UBE2D3: variants seen among roughly 807,000 people sequenced by gnomAD.
UBE2D3 encodes ubiquitin conjugating enzyme E2 D3, also known as ubiquitin-conjugating enzyme E2 D3.
In UBE2D3, 2 loss-of-function variants were observed where a neutral mutation model predicts 22.8. That is an observed-to-expected ratio of 0.09 (90% CI 0.04 to 0.28). The LOEUF is 0.28. Among genes scored for constraint, UBE2D3 ranks in the 10% least tolerant of loss-of-function variants. The pLI, the probability that UBE2D3 is intolerant of heterozygous loss-of-function variation, is 1.00. For synonymous variants in UBE2D3, 56 were observed against 60.4 expected, an observed-to-expected ratio of 0.93 and a Z score of 0.34; for missense variants, 27 against 182.5, an observed-to-expected ratio of 0.15 and a Z score of 4.91.
At chr4:102,862,689 A>G (rs920701878) in intron 1 of UBE2D3, among the ~76,000 whole-genome samples, 1 of 152,242 alleles carries the variant, frequency 6.6e-6, no homozygotes, top group Non-Finnish European at 1.5e-5. Context: ...GGATTGGTAT[A>G]GAATTCTAAA....
chr4:102,813,191 T>C (rs910589531), intron 2 of UBE2D3, among the ~76,000 whole-genome samples: 1 of 151,892 alleles, frequency 6.6e-6, no homozygotes, highest in Non-Finnish European at 1.5e-5. Flanking sequence ...AAAAAAGTGA[T>C]GGGAATCTCA....
At chr4:102,861,689 A>C (rs1732905322) in intron 1 of UBE2D3, among the ~76,000 whole-genome samples, 1 of 152,012 alleles carries the variant, frequency 6.6e-6, no homozygotes, top group African/African-American at 2.4e-5. Flanking sequence ...AAGGCAAAAA[A>C]GATGGCTTCC....
In UBE2D3 at chr4:102,843,655, G is replaced by A. The variant is rs145265112; in HGVS notation, c.-128-17019C>T. On this transcript the variant is annotated intron_variant, in intron 1 of 7. Coordinates refer to the UBE2D3 transcript ENST00000338145. ...ATATCCTAACATATTTCTGGCCATT[G>A]GACCCCTAGAAACCTGTGGCAAGTC... The A allele has an allele frequency of 2.9e-3, 369 of 129,012 alleles. 2 individuals carry two copies. Among genetic ancestry groups the A allele is most frequent in the African/African-American group, 0.011 (355 of 31,186 alleles). The allele number at this position is 129,012 out of a possible 1,614,324, so 8.0% of individuals were successfully genotyped here.
intron 2 of UBE2D3, among the ~76,000 whole-genome samples, chr4:102,820,582 C>T (rs1271642911): frequency 6.6e-6 from 1 of 152,036 alleles, no homozygotes; most frequent in East Asian, 1.9e-4. Flanking sequence ...AATTTTCTTT[C>T]GATCACCACT....
rs148199527 is a variant in UBE2D3, at chr4:102,826,129, G to A, written c.24+356C>T. Among the ~76,000 whole-genome samples the A allele has an allele frequency of 8.2e-3, 1,254 of 152,140 alleles. 9 individuals are homozygous for A. The highest frequency in any genetic ancestry group is 0.014 in the Non-Finnish European group (967 of 68,016). The stretch of plus-strand genomic sequence containing the variant: ...AGTTTTCAAGCACCAAGAATAGGAA[G>A]CGCCATGACATCTGCTGGAGCGTCT... On this transcript the variant is annotated intron_variant, in intron 2 of 7. Coordinates refer to ENST00000453744, the MANE Select transcript of UBE2D3 (RefSeq NM_181891.3).
chr4:102,855,675 G>A (rs1379441156), intron 1 of UBE2D3, among the ~76,000 whole-genome samples: 2 of 152,078 alleles, frequency 1.3e-5, no homozygotes, highest in African/African-American at 4.8e-5. Context: ...ATCCTGCCTT[G>A]GCCTCCTGAA....
Position 102,799,341 on chromosome 4 carries a change from CAAGCAAAGTAT to C in UBE2D3, c.398+55_398+65del. ...ATATCAAGTCTTCTTGGCACTGTCA[CAAGCAAAGTAT>C]AAGCCTAACTCATTAAGTAAAACCA... is the stretch of plus-strand genomic sequence containing the variant. On this transcript the variant is annotated intron_variant, in intron 7 of 7. Coordinates refer to ENST00000453744, the MANE Select transcript of UBE2D3 (RefSeq NM_181891.3). 3 of 1,287,806 alleles carry C rather than the reference CAAGCAAAGTAT, an allele frequency of 2.3e-6. No homozygotes were observed. The South Asian group carries it at 3.8e-5, about 16-fold the overall frequency. 79.8% of individuals were successfully genotyped at this position (1,287,806 alleles called of 1,614,324 possible).
intron 1 of UBE2D3, among the ~76,000 whole-genome samples, chr4:102,845,764 C>T (rs576001808): frequency 6.6e-6 from 1 of 152,158 alleles, no homozygotes; most frequent in Non-Finnish European, 1.5e-5. Context: ...GGTAATTGTG[C>T]CTACTTTGTC....
intron 2 of UBE2D3, among the ~76,000 whole-genome samples, chr4:102,813,875 T>C (rs576196438): frequency 2.6e-5 from 4 of 152,354 alleles, no homozygotes; most frequent in African/African-American, 7.2e-5. Context: ...TGTTCGGGAA[T>C]GGTCAGTCTA....
At chr4:102,858,915 CAG>C (rs548091175) in intron 1 of UBE2D3, among the ~76,000 whole-genome samples, 3 of 151,902 alleles carry the variant, frequency 2.0e-5, no homozygotes, top group South Asian at 2.1e-4. Context: ...ACTTTTAACT[CAG>C]AGTTAAAAAT....
At chr4:102,816,046 C>T (rs924681514) in intron 2 of UBE2D3, among the ~76,000 whole-genome samples, 7 of 152,016 alleles carry the variant, frequency 4.6e-5, no homozygotes, top group Admixed American at 6.5e-5. Flanking sequence ...AAGACAGTAT[C>T]GTAGGAAAAA....
upstream of UBE2D3, chr4:102,828,211 T>C (rs1432776099): frequency 6.1e-6 from 6 of 985,190 alleles, no homozygotes; most frequent in Non-Finnish European, 7.2e-6. Flanking sequence ...GACACAGCCT[T>C]GTCTCACGCG....
chr4:102,827,569 T>TCCGCCC, upstream of UBE2D3: 1 of 986,244 alleles, frequency 1.0e-6, no homozygotes, highest in Non-Finnish European at 1.2e-6. Flanking sequence ...GCTGCCACGC[T>TCCGCCC]CCGCCCCTCC....
At chr4:102,868,607 G>T in intron 1 of UBE2D3, 1 of 1,435,324 alleles carries the variant, frequency 7.0e-7, no homozygotes, top group South Asian at 1.1e-5. Flanking sequence ...GGTCTGGGTA[G>T]GGGGAGGATA....
intron 1 of UBE2D3, among the ~76,000 whole-genome samples, chr4:102,838,508 T>A (rs1208264513): frequency 1.3e-5 from 2 of 152,186 alleles, no homozygotes; most frequent in African/African-American, 4.8e-5. Context: ...ACCCTTCAAG[T>A]TGACTGACTT....
At chr4:102,806,960 A>G (rs1471752139) in intron 4 of UBE2D3, among the ~76,000 whole-genome samples, 1 of 152,212 alleles carries the variant, frequency 6.6e-6, no homozygotes, top group Non-Finnish European at 1.5e-5. Context: ...ATAAGCCAGT[A>G]CATATGATTA....
At chr4:102,815,367 A>G (rs973561871) in intron 2 of UBE2D3, among the ~76,000 whole-genome samples, 1 of 152,140 alleles carries the variant, frequency 6.6e-6, no homozygotes, top group Non-Finnish European at 1.5e-5. Context: ...AAAATATTTT[A>G]ATTTTAAAAT....
At chr4:102,827,680 G>T (rs1466643215), upstream of UBE2D3, 2 of 986,022 alleles carry the variant, frequency 2.0e-6, no homozygotes, top group African/African-American at 1.7e-5. Context: ...TGCTTCCCAC[G>T]TCCGGGGCCG....
At chr4:102,864,033 T>TA (rs1299184222) in intron 1 of UBE2D3, among the ~76,000 whole-genome samples, 2 of 151,670 alleles carry the variant, frequency 1.3e-5, no homozygotes, top group Non-Finnish European at 2.9e-5. Flanking sequence ...GATAATGAGG[T>TA]AAAAAAAATG....
Sources: allele counts gnomAD v4.1 joint callset (sites outside exome capture counted in the v4.1 genomes callset), GRCh38; gene constraint gnomAD v4.1.1; transcripts MANE v1.5; gene names NCBI Gene and HGNC (gene_info 2026-07-23, HGNC 2026-07-21).